Variants in ZNF277 observed in about 807,000 individuals in gnomAD.
ZNF277 encodes nuclear receptor-interacting factor 4.
ZNF277 carries 55 observed loss-of-function variants against 60.7 expected under a neutral mutation model. The ratio of observed to expected loss-of-function variants is 0.91; its 90% CI spans 0.73 to 1.13. The LOEUF (loss-of-function observed/expected upper bound fraction) is 1.13, where lower values mean the gene tolerates loss of function less well. Among genes scored for constraint, ZNF277 ranks in the 50% most tolerant of loss-of-function variants. The pLI is 0.00. For missense variants in ZNF277, 510 were observed against 523.0 expected (o/e 0.98, Z 0.24); for synonymous variants, 178 against 179.3 (o/e 0.99, Z 0.06).
intron 2 of ZNF277, among the ~76,000 whole-genome samples, chr7:112,289,531 C>T (rs879829026): frequency 9.2e-5 from 14 of 152,310 alleles, no homozygotes; most frequent in Admixed American, 9.2e-4. Flanking sequence ...TCTTTATTCT[C>T]ATTAAAATAT....
At chr7:112,281,213 TCTAGGGAC>T (rs1245874344) in intron 1 of ZNF277, among the ~76,000 whole-genome samples, 1 of 152,144 alleles carries the variant, frequency 6.6e-6, no homozygotes, top group Non-Finnish European at 1.5e-5. Context: ...CAGGCAGTGG[TCTAGGGAC>T]TACGGCTTGG....
chr7:112,310,489 G>GAGAGAGAGAGA (rs1305151299), intron 4 of ZNF277, among the ~76,000 whole-genome samples: 1 of 142,884 alleles, frequency 7.0e-6, no homozygotes, highest in African/African-American at 3.0e-5. Flanking sequence ...GTGTGTGTGT[G>GAGAGAGAGAGA]TGTATGTATT....
intron 1 of ZNF277, among the ~76,000 whole-genome samples, chr7:112,267,215 T>C (rs953632929): frequency 6.6e-6 from 1 of 152,226 alleles, no homozygotes; most frequent in Non-Finnish European, 1.5e-5. Flanking sequence ...TTATGTATAT[T>C]GGATATGTTA....
chr7:112,333,678 G>C (rs1793273505), intron 7 of ZNF277, among the ~76,000 whole-genome samples: 1 of 152,336 alleles, frequency 6.6e-6, no homozygotes, highest in East Asian at 1.9e-4. Flanking sequence ...AAATTGACAA[G>C]TTCCATTTTC....
rs115956913 is a variant in ZNF277, at chr7:112,330,036, G to A, written c.669-48G>A. The A allele has an allele frequency of 8.9e-4, 1,384 of 1,563,542 alleles. 4 individuals are homozygous for A. The African/African-American group carries it at 0.011, about 13-fold the overall frequency. On this transcript the variant is annotated intron_variant, in intron 6 of 11. Transcript: ENST00000361822. ...TCAATAATAATAAAGGATTATTGCA[G>A]CAACTATACAAGAGACTTGTTTATC...
At chr7:112,273,633 A>G (rs190638476) in intron 1 of ZNF277, among the ~76,000 whole-genome samples, 2 of 152,226 alleles carry the variant, frequency 1.3e-5, no homozygotes, top group East Asian at 1.9e-4. Context: ...CTATTCAACC[A>G]TCTTGCTCCC....
At chr7:112,305,784 G>T (rs1450855484) in intron 4 of ZNF277, among the ~76,000 whole-genome samples, 1 of 152,024 alleles carries the variant, frequency 6.6e-6, no homozygotes, top group Non-Finnish European at 1.5e-5. Context: ...ACCGATGACT[G>T]ATATACCACT....
intron 1 of ZNF277, among the ~76,000 whole-genome samples, chr7:112,241,124 A>G (rs1324577221): frequency 1.3e-5 from 2 of 152,168 alleles, no homozygotes; most frequent in African/African-American, 2.4e-5. Flanking sequence ...ATTTACGACC[A>G]GAATATACAA....
At chr7:112,268,924 T>C (rs1584361951) in intron 1 of ZNF277, among the ~76,000 whole-genome samples, 1 of 152,166 alleles carries the variant, frequency 6.6e-6, no homozygotes, top group Non-Finnish European at 1.5e-5. Flanking sequence ...TCTTCACTTT[T>C]AAGATTCTAC....
chr7:112,329,761 G>C (rs1282557888), intron 6 of ZNF277, among the ~76,000 whole-genome samples: 1 of 152,084 alleles, frequency 6.6e-6, no homozygotes, highest in Non-Finnish European at 1.5e-5. Context: ...ATAATTAATT[G>C]AAGAACATAC....
chr7:112,219,812 T>C (rs1232312667), intron 1 of ZNF277, among the ~76,000 whole-genome samples: 1 of 152,104 alleles, frequency 6.6e-6, no homozygotes, highest in Non-Finnish European at 1.5e-5. Flanking sequence ...AATTTTAAAA[T>C]TTTTTGTAGA....
Position 112,286,841 on chromosome 7 carries a change from C to CTTT in ZNF277, c.92-15_92-13dup, listed in dbSNP as rs10710470. 468 of 951,680 alleles carry CTTT rather than the reference C, an allele frequency of 4.9e-4. 3 individuals are homozygous for CTTT. The highest frequency in any genetic ancestry group is 1.5e-3 in the African/African-American group (54 of 35,674). 59.0% of individuals were successfully genotyped at this position (951,680 alleles called of 1,614,324 possible). A position where few individuals can be genotyped will look rare whatever the true frequency, so the allele number is the denominator to read the frequency against. The stretch of plus-strand genomic sequence containing the variant: ...AGTTGGTTTCAGCTTTTCTTTCTTT[C>CTTT]TTTTTTTTTTTTTTTTTTTGGTCTA... On this transcript the variant is annotated intron_variant, in intron 1 of 11. Coordinates refer to ENST00000361822, the MANE Select transcript of ZNF277 (RefSeq NM_021994.3).
chr7:112,221,666 A>G (rs916186383), intron 1 of ZNF277, among the ~76,000 whole-genome samples: 1 of 152,178 alleles, frequency 6.6e-6, no homozygotes. Flanking sequence ...TTAGATTCTC[A>G]TAAGGAGTGT....
intron 1 of ZNF277, among the ~76,000 whole-genome samples, chr7:112,283,831 G>A (rs1792002918): frequency 6.6e-6 from 1 of 152,184 alleles, no homozygotes; most frequent in African/African-American, 2.4e-5. Flanking sequence ...TGGACAATGT[G>A]GGCTACTGAT....
chr7:112,208,968 C>T (rs554267689), intron 1 of ZNF277, among the ~76,000 whole-genome samples: 56 of 152,102 alleles, frequency 3.7e-4, no homozygotes, highest in South Asian at 8.3e-4. Flanking sequence ...CGTAAGCCAC[C>T]GCGCCCGGCC....
intron 1 of ZNF277, among the ~76,000 whole-genome samples, chr7:112,220,563 T>C (rs115949331): frequency 3.7e-4 from 57 of 152,342 alleles, no homozygotes; most frequent in African/African-American, 1.3e-3. Flanking sequence ...ATAGAGGTGC[T>C]GAGCATGGGC....
At chr7:112,322,399 A>G (rs1290798365) in intron 5 of ZNF277, among the ~76,000 whole-genome samples, 4 of 151,808 alleles carry the variant, frequency 2.6e-5, no homozygotes, top group East Asian at 3.9e-4. Flanking sequence ...CATTTGACCA[A>G]TCTTCAAATT....
chr7:112,327,308 A>G (rs1333550735), intron 5 of ZNF277, among the ~76,000 whole-genome samples: 4 of 152,212 alleles, frequency 2.6e-5, no homozygotes, highest in African/African-American at 7.2e-5. Context: ...CACAGTTTAC[A>G]AAAGGGTTCG....
chr7:112,212,538 A>T (rs1029412421), intron 1 of ZNF277, among the ~76,000 whole-genome samples: 1 of 152,328 alleles, frequency 6.6e-6, no homozygotes, highest in South Asian at 2.1e-4. Flanking sequence ...ATTTCCTGTT[A>T]TAAAGTCAGA....
Sources: allele counts gnomAD v4.1 joint callset (sites outside exome capture counted in the v4.1 genomes callset), GRCh38; gene constraint gnomAD v4.1.1; transcripts MANE v1.5; gene names NCBI Gene and HGNC (gene_info 2026-07-23, HGNC 2026-07-21).